The following KCNK10 variants were observed in gnomAD, a reference collection of about 807,000 sequenced individuals.
KCNK10 encodes the protein potassium channel subfamily K member 10.
A neutral mutation model predicts 47.7 loss-of-function variants in KCNK10; 25 were observed. That is an observed-to-expected ratio of 0.52 (90% confidence interval 0.38 to 0.73). The LOEUF is 0.73. Ranked by LOEUF, KCNK10 falls within the 30% of genes least tolerant of loss-of-function variation. The pLI is 0.00. For missense variants in KCNK10, 563 were observed against 714.5 expected, an observed-to-expected ratio of 0.79 and a Z score of 2.42; for synonymous variants, 303 against 285.6, an observed-to-expected ratio of 1.06 and a Z score of -0.61.
intron 3 of KCNK10, among the ~76,000 whole-genome samples, chr14:88,232,276 T>G (rs1415597068): frequency 1.3e-5 from 2 of 152,214 alleles, no homozygotes; most frequent in African/African-American, 4.8e-5. Flanking sequence ...CAATATTACG[T>G]TGCAAATTTT....
chr14:88,226,117 C>T (rs891318346), intron 4 of KCNK10, among the ~76,000 whole-genome samples: 2 of 152,246 alleles, frequency 1.3e-5, no homozygotes, highest in Admixed American at 6.5e-5. Context: ...ATATGACAAG[C>T]TCTTTTCCAC....
intron 1 of KCNK10, among the ~76,000 whole-genome samples, chr14:88,291,325 C>T (rs557040986): frequency 6.6e-6 from 1 of 152,236 alleles, no homozygotes; most frequent in South Asian, 2.1e-4. Context: ...TGTTACAAGG[C>T]AATGTTAAGT....
At chr14:88,272,014 G>T (rs1036572209) in intron 1 of KCNK10, among the ~76,000 whole-genome samples, 1 of 151,678 alleles carries the variant, frequency 6.6e-6, no homozygotes, top group South Asian at 2.1e-4. Flanking sequence ...CAGGGGGAAG[G>T]TTGGACTTCA....
At chr14:88,305,083 C>T (rs1054773667) in intron 1 of KCNK10, among the ~76,000 whole-genome samples, 16 of 152,146 alleles carry the variant, frequency 1.1e-4, no homozygotes, top group Middle Eastern at 3.4e-3. Context: ...CCTGTAGTCC[C>T]AGCTACTCGG....
At chr14:88,190,708 A>C (rs1365977154) in intron 5 of KCNK10, among the ~76,000 whole-genome samples, 2 of 151,962 alleles carry the variant, frequency 1.3e-5, no homozygotes, top group South Asian at 2.1e-4. Flanking sequence ...GGGAAAAAAA[A>C]CCCTATTATT....
chr14:88,279,695 C>T (rs1307319121), intron 1 of KCNK10, among the ~76,000 whole-genome samples: 1 of 152,094 alleles, frequency 6.6e-6, no homozygotes, highest in East Asian at 1.9e-4. Context: ...CCATCCCCTA[C>T]CCAACATAAT....
Position 88,186,228 on chromosome 14 carries a change from CCTCGGGTG to C in KCNK10, c.1012-81_1012-74del, listed in dbSNP as rs1366172653. The C allele has an allele frequency of 6.8e-7, 1 of 1,480,006 alleles. No individual in the cohort carries two copies. Among genetic ancestry groups the C allele is most frequent in the Non-Finnish European group, 9.0e-7 (1 of 1,113,874 alleles). 91.7% of individuals were successfully genotyped at this position (1,480,006 alleles called of 1,614,324 possible). A position where few individuals can be genotyped will look rare whatever the true frequency, so the allele number is the denominator to read the frequency against. ...GCCTTGGCCTCCCAGCACCCACAGC[CCTCGGGTG>C]TCCCCACGGGGAGGCCAGGAGGTGA... On this transcript the variant is annotated intron_variant, in intron 6 of 6. Transcript: ENST00000319231. The surrounding 1 kb of genome is among the most constrained non-coding windows in gnomAD (Gnocchi z 5.5).
rs980040618 is a variant in KCNK10, at chr14:88,263,217, C to T, written c.387G>A (p.Leu129=). The change falls in exon 2 of 7, where the codon CTG becomes CTA. Residue 129 remains leucine, a synonymous_variant. Transcript: ENST00000319231. Reference sequence around the variant, plus strand: ...CCCTGCTCACCTGGATCAACGTCTCCAGCTCCTGGGGGCTCACACAGACAT... The same window carrying T: ...CCCTGCTCACCTGGATCAACGTCTCTAGCTCCTGGGGGCTCACACAGACAT... ...RDHVCVSPQE[L]ETLIQHALDA... 22 of 1,613,388 alleles carry T rather than the reference C, an allele frequency of 1.4e-5. 1 individual carries two copies. In the South Asian group the frequency reaches 2.0e-4, roughly 14 times the overall value.
chr14:88,180,150 T>C lies in KCNK10; in HGVS notation c.*5385A>G, dbSNP rs1192226717. 6.6e-6 allele frequency: 1 copy of C among 151,788 alleles called. No individual in the cohort carries two copies. The highest frequency in any genetic ancestry group is 1.5e-5 in the Non-Finnish European group (1 of 67,914). 9.4% of individuals were successfully genotyped at this position (151,788 alleles called of 1,614,324 possible). ...TCTTTGTTGCAATTTTTCTCCATCA[T>C]TGAAAAAAAAATTACATCATCAAAT... On this transcript the variant is annotated 3_prime_UTR_variant, in exon 7 of 7. Transcript: ENST00000319231.
At chr14:88,315,020 T>C (rs889667958) in intron 1 of KCNK10, among the ~76,000 whole-genome samples, 1 of 152,024 alleles carries the variant, frequency 6.6e-6, no homozygotes, top group African/African-American at 2.4e-5. Flanking sequence ...ACAACTCAAC[T>C]CCCTCCTTTT....
intron 6 of KCNK10, among the ~76,000 whole-genome samples, chr14:88,187,574 G>T (rs1361296839): frequency 6.6e-6 from 1 of 151,920 alleles, no homozygotes; most frequent in African/African-American, 2.4e-5. Flanking sequence ...AAAGATTCTT[G>T]GCGTTCAACT....
chr14:88,184,563 T>C lies in KCNK10; in HGVS notation c.*972A>G, dbSNP rs1206499463. ...GGTCCTCCTCAGTGTGTCTCAGAAA[T>C]GCAGGATGTCTACTTTTGTAAAAAT... On this transcript the variant is annotated 3_prime_UTR_variant, in exon 7 of 7. Transcript: ENST00000319231. The C allele has an allele frequency of 6.6e-6, 1 of 152,294 alleles. No individual in the cohort carries two copies. Among genetic ancestry groups the C allele is most frequent in the East Asian group, 1.9e-4 (1 of 5,322 alleles). The allele number at this position is 152,294 out of a possible 1,614,324, so 9.4% of individuals were successfully genotyped here.
chr14:88,285,389 GGC>G (rs1887738801), intron 1 of KCNK10, among the ~76,000 whole-genome samples: 1 of 152,220 alleles, frequency 6.6e-6, no homozygotes, highest in Non-Finnish European at 1.5e-5. Flanking sequence ...TGGGATTATA[GGC>G]CTGAGCCACT....
chr14:88,249,802 C>T (rs1026876460), intron 2 of KCNK10, among the ~76,000 whole-genome samples: 10 of 152,092 alleles, frequency 6.6e-5, no homozygotes, highest in South Asian at 4.1e-4. Context: ...AATTGGCTAG[C>T]GATATAATTA....
At chr14:88,214,668 C>A (rs531348931) in intron 4 of KCNK10, among the ~76,000 whole-genome samples, 2 of 152,124 alleles carry the variant, frequency 1.3e-5, no homozygotes, top group African/African-American at 4.8e-5. Flanking sequence ...GAAAAGAGAA[C>A]ACAAAGAAAG....
chr14:88,289,098 G>A (rs1887826096), intron 1 of KCNK10, among the ~76,000 whole-genome samples: 1 of 152,064 alleles, frequency 6.6e-6, no homozygotes, highest in African/African-American at 2.4e-5. Context: ...ACACCACTCA[G>A]TCTACAGTCC....
intron 1 of KCNK10, among the ~76,000 whole-genome samples, chr14:88,310,905 C>T (rs557943375): frequency 1.6e-4 from 25 of 152,206 alleles, no homozygotes; most frequent in African/African-American, 5.5e-4. Context: ...AGAATATGAG[C>T]GAGCGCACCA....
intron 4 of KCNK10, among the ~76,000 whole-genome samples, chr14:88,197,859 G>GGAGAGAGAGAGAGAGAGA (rs71126969): frequency 2.5e-4 from 31 of 125,422 alleles, no homozygotes; most frequent in African/African-American, 6.6e-4. Context: ...AGGAGGGAAG[G>GGAGAGAGAGAGAGAGAGA]GAGAGAGAGA....
intron 2 of KCNK10, among the ~76,000 whole-genome samples, chr14:88,258,835 G>T (rs1887032266): frequency 6.6e-6 from 1 of 152,086 alleles, no homozygotes. Context: ...CCCTCCCCAC[G>T]ATGGCTGTAA....
Sources: gnomAD v4.1 joint callset for allele counts (sites outside exome capture counted in the v4.1 genomes callset) on GRCh38, gnomAD v4.1.1 for gene constraint, Gnocchi (gnomAD v3.1) non-coding constraint, MANE v1.5 for transcripts, NCBI Gene and HGNC (gene_info 2026-07-23, HGNC 2026-07-21) for gene names.